The following TMOD1 variants were observed in gnomAD, a reference collection of about 807,000 sequenced individuals.
TMOD1 encodes tropomodulin-1.
Under a neutral mutation model 40.6 loss-of-function variants are expected in TMOD1, and 17 were observed. The observed-to-expected ratio is 0.42, with a 90% CI of 0.29 to 0.63. The LOEUF (loss-of-function observed/expected upper bound fraction) is 0.63, where lower values mean the gene tolerates loss of function less well. Among genes scored for constraint, TMOD1 ranks in the 20% least tolerant of loss-of-function variants. The pLI, the probability that TMOD1 is intolerant of heterozygous loss-of-function variation, is 0.22. For missense variants in TMOD1, 391 were observed against 447.6 expected, an observed-to-expected ratio of 0.87 and a Z score of 1.14; for synonymous variants, 181 against 175.0, an observed-to-expected ratio of 1.03 and a Z score of -0.27.
rs369632451 is a variant in TMOD1, at chr9:97,592,876, G to A, written c.1015+1441G>A. Among the ~76,000 whole-genome samples, 246 of 152,240 alleles carry A rather than the reference G, an allele frequency of 1.6e-3. 4 individuals carry two copies. In the South Asian group the frequency reaches 0.023, roughly 14 times the overall value. On this transcript the variant is annotated intron_variant, in intron 9 of 9. Transcript: ENST00000259365. ...AAATGCCACTATTTTCTAGAGCCTCGGGTTTAGAAAAGCCCATTTTTTAAA... is the reference window on the plus strand; with the variant it reads ...AAATGCCACTATTTTCTAGAGCCTCAGGTTTAGAAAAGCCCATTTTTTAAA...
intron 8 of TMOD1, among the ~76,000 whole-genome samples, chr9:97,577,562 T>A (rs1178335803): frequency 6.6e-6 from 1 of 151,992 alleles, no homozygotes; most frequent in Non-Finnish European, 1.5e-5. Context: ...CTGAGGTGGG[T>A]GGATCACTTG....
At chr9:97,567,328 A>G (rs1289720490) in intron 7 of TMOD1, among the ~76,000 whole-genome samples, 1 of 152,220 alleles carries the variant, frequency 6.6e-6, no homozygotes. Context: ...ACTCTGCCAG[A>G]CCAACAGCTG....
intron 8 of TMOD1, among the ~76,000 whole-genome samples, chr9:97,588,202 A>G (rs1825920803): frequency 6.6e-6 from 1 of 152,210 alleles, no homozygotes; most frequent in African/African-American, 2.4e-5. Flanking sequence ...GCACCATTTT[A>G]TATTCCCACC....
intron 8 of TMOD1, among the ~76,000 whole-genome samples, chr9:97,574,269 G>A (rs1830875910): frequency 6.6e-6 from 1 of 152,018 alleles, no homozygotes; most frequent in Admixed American, 6.5e-5. Context: ...GCGGGCCAGC[G>A]CGTGTTCCGG....
Position 97,593,854 on chromosome 9 carries a change from A to G in TMOD1, c.1015+2419A>G, listed in dbSNP as rs190658000. On this transcript the variant is annotated intron_variant, in intron 9 of 9. Coordinates refer to ENST00000259365, the MANE Select transcript of TMOD1 (RefSeq NM_003275.4). Reference sequence around the variant, plus strand: ...AGTGCTGGGGGTACAAAGGAGAGACAGAAGGATCTAAAAGGATTGGAGGAA... The same window carrying G: ...AGTGCTGGGGGTACAAAGGAGAGACGGAAGGATCTAAAAGGATTGGAGGAA... Among the ~76,000 whole-genome samples the G allele has an allele frequency of 2.2e-4, 33 of 152,144 alleles. No homozygotes were observed. In the East Asian group the frequency reaches 5.2e-3, roughly 24 times the overall value.
intron 1 of TMOD1, among the ~76,000 whole-genome samples, chr9:97,503,446 A>C (rs1183097044): frequency 6.6e-6 from 1 of 152,204 alleles, no homozygotes; most frequent in Non-Finnish European, 1.5e-5. Context: ...AAAAGAATTA[A>C]CGGGAAATGG....
At chr9:97,538,823 C>T (rs1361702147) in intron 2 of TMOD1, among the ~76,000 whole-genome samples, 2 of 150,818 alleles carry the variant, frequency 1.3e-5, no homozygotes, top group Non-Finnish European at 2.9e-5. Flanking sequence ...AGTGAAACCC[C>T]ATCTCTACTA....
intron 2 of TMOD1, among the ~76,000 whole-genome samples, chr9:97,540,457 A>G (rs1010273784): frequency 5.3e-5 from 8 of 152,168 alleles, no homozygotes; most frequent in Admixed American, 2.0e-4. Flanking sequence ...TTTGACTTTA[A>G]TGATCTCCTT....
intron 4 of TMOD1, among the ~76,000 whole-genome samples, chr9:97,558,215 A>G (rs1176875131): frequency 6.6e-6 from 1 of 152,176 alleles, no homozygotes; most frequent in Non-Finnish European, 1.5e-5. Context: ...TGCTGTTAAC[A>G]TATGTAACCT....
chr9:97,537,258 G>A (rs145969812), intron 2 of TMOD1, among the ~76,000 whole-genome samples: 15 of 152,298 alleles, frequency 9.8e-5, no homozygotes, highest in Non-Finnish European at 1.6e-4. Flanking sequence ...GCATGTGTGC[G>A]TGCATGCATG....
At chr9:97,584,787 GT>G (rs1364953798) in intron 8 of TMOD1, among the ~76,000 whole-genome samples, 1 of 152,164 alleles carries the variant, frequency 6.6e-6, no homozygotes, top group Non-Finnish European at 1.5e-5. Flanking sequence ...AGCTTTGTTG[GT>G]TTAAAGTCTG....
At chr9:97,566,155 C>T (rs374692745) in intron 7 of TMOD1, among the ~76,000 whole-genome samples, 200 bp downstream of exon 7, 2 of 152,132 alleles carry the variant, frequency 1.3e-5, no homozygotes, top group East Asian at 3.9e-4. Flanking sequence ...CTGGCCAATC[C>T]TCACACCCAC....
At chr9:97,533,862 T>G (rs1223656435) in intron 2 of TMOD1, among the ~76,000 whole-genome samples, 2 of 152,174 alleles carry the variant, frequency 1.3e-5, no homozygotes, top group Non-Finnish European at 2.9e-5. Flanking sequence ...TATCCATCCC[T>G]CAAGTAAAAG....
intron 1 of TMOD1, among the ~76,000 whole-genome samples, chr9:97,504,791 C>G (rs894326734): frequency 6.6e-6 from 1 of 152,164 alleles, no homozygotes; most frequent in Non-Finnish European, 1.5e-5. Context: ...TGAGCCCGGT[C>G]GTAATGGCCT....
chr9:97,539,647 A>T (rs1195239207), intron 2 of TMOD1, among the ~76,000 whole-genome samples: 1 of 152,174 alleles, frequency 6.6e-6, no homozygotes, highest in African/African-American at 2.4e-5. Context: ...GATACCATTC[A>T]CATAGCATAC....
rs915443908 is a variant in TMOD1, at chr9:97,542,166, C to T, written c.121-4019C>T. Among the ~76,000 whole-genome samples the T allele has an allele frequency of 3.3e-5, 5 of 152,166 alleles. No homozygotes were observed. In the South Asian group the frequency reaches 1.0e-3, roughly 31 times the overall value. Reference sequence around the variant, plus strand: ...AGTTTTTATATATAATGGGAGATCACATGCTGTTTTTGAAAACGAGTTAAA... The same window carrying T: ...AGTTTTTATATATAATGGGAGATCATATGCTGTTTTTGAAAACGAGTTAAA... On this transcript the variant is annotated intron_variant, in intron 2 of 9. Coordinates refer to ENST00000259365, the MANE Select transcript of TMOD1 (RefSeq NM_003275.4).
intron 1 of TMOD1, among the ~76,000 whole-genome samples, chr9:97,520,652 G>A (rs1489817650): frequency 1.3e-5 from 2 of 152,200 alleles, no homozygotes; most frequent in African/African-American, 4.8e-5. Context: ...ACGTTAGAAA[G>A]GGCTTTTTAA....
intron 1 of TMOD1, among the ~76,000 whole-genome samples, chr9:97,522,580 G>A (rs138365835): frequency 0.02 from 2,982 of 152,014 alleles, 34 homozygotes; most frequent in South Asian, 0.033. Flanking sequence ...TTACTTTTTT[G>A]AGACTGGATC....
chr9:97,577,222 C>G (rs1825631760), intron 8 of TMOD1, among the ~76,000 whole-genome samples: 1 of 149,144 alleles, frequency 6.7e-6, no homozygotes, highest in Admixed American at 6.6e-5. Flanking sequence ...AGGCAGCTCA[C>G]TACCTTACCA....
Sources: gnomAD v4.1 joint callset for allele counts (sites outside exome capture counted in the v4.1 genomes callset) on GRCh38, gnomAD v4.1.1 for gene constraint, MANE v1.5 for transcripts, NCBI Gene and HGNC (gene_info 2026-07-23, HGNC 2026-07-21) for gene names.